Variants in FBXO21 observed in about 807,000 individuals in gnomAD.
The protein encoded by FBXO21 is F-box protein 21, also known as F-box only protein 21.
Under a neutral mutation model 76.6 loss-of-function variants are expected in FBXO21, and 32 were observed. That is an observed-to-expected ratio of 0.42 (90% CI 0.32 to 0.56). FBXO21 has a LOEUF of 0.56. Ranked by LOEUF, FBXO21 falls within the 20% of genes least tolerant of loss-of-function variation. The pLI, the probability that FBXO21 is intolerant of heterozygous loss-of-function variation, is 0.16. For missense variants in FBXO21, 586 were observed against 797.3 expected, an observed-to-expected ratio of 0.73 and a Z score of 3.19; for synonymous variants, 328 against 311.5, an observed-to-expected ratio of 1.05 and a Z score of -0.56.
Position 117,171,139 on chromosome 12 carries a change from G to A in FBXO21, c.1013+1332C>T, listed in dbSNP as rs866133584. On this transcript the variant is annotated intron_variant, in intron 7 of 11. Coordinates refer to ENST00000622495, the MANE Select transcript of FBXO21 (RefSeq NM_015002.3). ...AGCACCTTGGGAGGCTGAGGCAGGCGGATCACTTGAACTCAGGCGTTCAAG... is the reference window on the plus strand; with the variant it reads ...AGCACCTTGGGAGGCTGAGGCAGGCAGATCACTTGAACTCAGGCGTTCAAG... Among the ~76,000 whole-genome samples, 17 of 151,958 alleles carry A rather than the reference G, an allele frequency of 1.1e-4. 1 individual carries two copies. The highest frequency in any genetic ancestry group is 1.0e-3 in the South Asian group (5 of 4,826).
At chr12:117,158,278 T>G (rs1406505522) in intron 9 of FBXO21, among the ~76,000 whole-genome samples, 4 of 152,106 alleles carry the variant, frequency 2.6e-5, no homozygotes, top group African/African-American at 9.7e-5. Flanking sequence ...GGCTCTACTG[T>G]AACACTGGCA....
In FBXO21 at chr12:117,155,858, C is replaced by A; in HGVS notation, c.1608G>T (p.Pro536=). The part of the protein sequence containing the change: ...WIRNMNVHSL[P]HGHHQPFYNV... ...TATAGAAAGGCTGGTGGTGGCCGTG[C>A]GGCAGGCTGTGGACGTTCATGTTCC... The change falls in exon 11 of 12, where the codon CCG becomes CCT. Residue 536 remains proline (P), a synonymous_variant. Transcript: ENST00000622495. 2.5e-6 allele frequency: 4 copies of A among 1,614,146 alleles called. No homozygotes were observed. Among genetic ancestry groups the A allele is most frequent in the Admixed American group, 1.7e-5 (1 of 60,022 alleles).
At position 117,190,396 on chromosome 12, in the gene FBXO21, C is replaced by T; in HGVS notation, c.61G>A (p.Ala21Thr). 1.3e-6 allele frequency: 2 copies of T among 1,496,028 alleles called. No homozygotes were observed. Among genetic ancestry groups the T allele is most frequent in the East Asian group, 2.9e-5 (1 of 34,958 alleles). The allele number at this position is 1,496,028 out of a possible 1,614,324, so 92.7% of individuals were successfully genotyped here. The change falls in exon 1 of 12, where the codon GCG (alanine) becomes ACG (threonine). Residue 21 changes from alanine to threonine, a missense_variant. Physicochemically the swap from Ala to Thr is moderately conservative, Grantham distance 58. Transcript: ENST00000622495. ...CAGCTGAGGCCCGCTACCTCCGGCGCGGCCTCCTCCGCCAGCGCCGGCACC... is the reference window on the plus strand; with the variant it reads ...CAGCTGAGGCCCGCTACCTCCGGCGTGGCCTCCTCCGCCAGCGCCGGCACC... Reference protein sequence around the residue: ...EVVPALAEEAAPEVAGLSCLV... With the variant: ...EVVPALAEEATPEVAGLSCLV...
At chr12:117,170,078 G>A (rs1373388532) in intron 7 of FBXO21, among the ~76,000 whole-genome samples, 1 of 138,236 alleles carries the variant, frequency 7.2e-6, no homozygotes, top group Non-Finnish European at 1.5e-5. Context: ...TATCTAGATA[G>A]CAACCACATC....
Position 117,145,750 on chromosome 12 carries a change from A to C in FBXO21, c.*337T>G. 5.7e-6 allele frequency: 1 copy of C among 176,658 alleles called. No homozygotes were observed. 10.9% of individuals were successfully genotyped at this position (176,658 alleles called of 1,614,324 possible). On this transcript the variant is annotated 3_prime_UTR_variant, in exon 12 of 12. Coordinates refer to ENST00000622495, the MANE Select transcript of FBXO21 (RefSeq NM_015002.3). The stretch of plus-strand genomic sequence containing the variant: ...GAGACAAATGCAGACAGACAGGGGA[A>C]TGGAGTGAATACAAAGAATGATTAC...
chr12:117,176,393 C>T (rs1956174160), intron 4 of FBXO21, among the ~76,000 whole-genome samples: 1 of 152,108 alleles, frequency 6.6e-6, no homozygotes, highest in Non-Finnish European at 1.5e-5. Context: ...TTGTGGGGCA[C>T]CAGTCTAGAC....
In FBXO21 at chr12:117,174,294, C is replaced by A; in HGVS notation, c.787G>T (p.Asp263Tyr). The change falls in exon 6 of 12, where the codon GAT (aspartate) becomes TAT (tyrosine). Residue 263 changes from aspartate (D) to tyrosine (Y), a missense_variant. Physicochemically the swap from Asp to Tyr is radical, Grantham distance 160. Coordinates refer to ENST00000622495, the MANE Select transcript of FBXO21 (RefSeq NM_015002.3). ...TCGTAAAGGACATAGTTCATGGCAT[C>A]CAGCACCTGGCTCTGGAGTTCTATT... ...MEIELQSQVL[D>Y]AMNYVLYDQL... The A allele has an allele frequency of 6.2e-7, 1 of 1,613,960 alleles. No individual in the cohort carries two copies. Among genetic ancestry groups the A allele is most frequent in the Non-Finnish European group, 8.5e-7 (1 of 1,179,822 alleles).
At chr12:117,156,816 G>A (rs1039100210) in intron 10 of FBXO21, among the ~76,000 whole-genome samples, 8 of 152,292 alleles carry the variant, frequency 5.3e-5, no homozygotes, top group Admixed American at 3.3e-4. Flanking sequence ...GCAACTTATC[G>A]TCATGTAGAT....
chr12:117,187,420 CAAAAAAAAAAAAAAAA>C (rs921514232), intron 2 of FBXO21, among the ~76,000 whole-genome samples: 1 of 59,694 alleles, frequency 1.7e-5, no homozygotes, highest in South Asian at 6.7e-4. Flanking sequence ...AACTCTGTCT[CAAAAAAAAAAAAAAAA>C]AAAAAAAAAA....
rs534569031 is a variant in FBXO21 at position 117,146,017 on chromosome 12, G to A, written c.*70C>T. On this transcript the variant is annotated 3_prime_UTR_variant, in exon 12 of 12. Transcript: ENST00000622495. ...CAGGTCCCGAGGGCTCCGTGGAGAC[G>A]TCTTCTTCCGGAGTCCCGTTCTCTT... The A allele has an allele frequency of 8.2e-6, 11 of 1,347,064 alleles. No individual in the cohort carries two copies. The East Asian group carries it at 1.2e-4, about 15-fold the overall frequency. The allele number at this position is 1,347,064 out of a possible 1,614,324, so 83.4% of individuals were successfully genotyped here.
chr12:117,146,320 A>G (rs1404657331), intron 11 of FBXO21, 43 bp from the exon 12 acceptor site: 2 of 1,507,546 alleles, frequency 1.3e-6, no homozygotes, highest in African/African-American at 2.8e-5. Context: ...TACAATGTCC[A>G]TTGCTGCCAC....
chr12:117,167,654 T>C (rs567965277), intron 7 of FBXO21, among the ~76,000 whole-genome samples: 1 of 151,032 alleles, frequency 6.6e-6, no homozygotes, highest in East Asian at 1.9e-4. Flanking sequence ...GGCAGAAGAA[T>C]GGTGTGAACC....
intron 7 of FBXO21, 29 bp downstream of exon 7, chr12:117,172,442 A>C: frequency 6.2e-7 from 1 of 1,603,168 alleles, no homozygotes; most frequent in Non-Finnish European, 8.5e-7. Context: ...AATCTTCAGG[A>C]CCACAGATAA....
intron 2 of FBXO21, among the ~76,000 whole-genome samples, chr12:117,187,658 G>A (rs1956297228): frequency 6.6e-6 from 1 of 152,168 alleles, no homozygotes; most frequent in Admixed American, 6.5e-5. Flanking sequence ...TACAGGAAAA[G>A]GGGGAGCTGA....
intron 4 of FBXO21, 116 bp from the exon 5 acceptor site, chr12:117,174,913 C>T: frequency 9.3e-7 from 1 of 1,074,992 alleles, no homozygotes; most frequent in African/African-American, 1.6e-5. Context: ...ACTGGACAAG[C>T]TTCATGTTTT....
intron 2 of FBXO21, 70 bp from the exon 3 acceptor site, chr12:117,186,641 G>A (rs1184361988): frequency 2.0e-6 from 2 of 1,004,138 alleles, no homozygotes; most frequent in African/African-American, 3.2e-5. Flanking sequence ...TCACAAATTT[G>A]AGCTGAAATA....
intron 9 of FBXO21, among the ~76,000 whole-genome samples, chr12:117,159,725 A>G (rs1955956675): frequency 1.3e-5 from 2 of 152,260 alleles, no homozygotes; most frequent in Admixed American, 6.5e-5. Context: ...AGTACCAACA[A>G]GCCGCTTTTT....
intron 3 of FBXO21, among the ~76,000 whole-genome samples, chr12:117,182,061 G>C (rs986916794): frequency 6.6e-6 from 1 of 152,152 alleles, no homozygotes; most frequent in African/African-American, 2.4e-5. Context: ...TGATACTTTG[G>C]CATTTATGGA....
At chr12:117,150,956 T>TTGTGTGTGTGTGTGTG (rs3999685) in intron 11 of FBXO21, among the ~76,000 whole-genome samples, 1 of 94,652 alleles carries the variant, frequency 1.1e-5, no homozygotes, top group African/African-American at 4.2e-5. Flanking sequence ...TCAAATAAGT[T>TTGTGTGTGTGTGTGTG]TGTGTGTGTG....
Sources: allele counts gnomAD v4.1 joint callset (sites outside exome capture counted in the v4.1 genomes callset), GRCh38; gene constraint gnomAD v4.1.1; transcripts MANE v1.5; gene names NCBI Gene and HGNC (gene_info 2026-07-23, HGNC 2026-07-21).